DCLK3: variants seen among roughly 807,000 people sequenced by gnomAD.
DCLK3 encodes the protein serine/threonine-protein kinase DCLK3.
A neutral mutation model predicts 46.4 loss-of-function variants in DCLK3; 30 were observed. The observed-to-expected ratio is 0.65, with a 90% CI of 0.48 to 0.88. The LOEUF (loss-of-function observed/expected upper bound fraction) is 0.88, where lower values mean the gene tolerates loss of function less well. DCLK3 is among the 40% of genes least tolerant of loss of function. The probability of loss-of-function intolerance (pLI) is 0.00; values close to 1 mark genes in which losing one functional copy is unlikely to be tolerated. For synonymous variants in DCLK3, 401 were observed against 339.2 expected, an observed-to-expected ratio of 1.18 and a Z score of -2.00; for missense variants, 846 against 907.1, an observed-to-expected ratio of 0.93 and a Z score of 0.87.
At chr3:36,761,097 G>C (rs544064381) in intron 1 of DCLK3, among the ~76,000 whole-genome samples, 1 of 152,296 alleles carries the variant, frequency 6.6e-6, no homozygotes, top group East Asian at 1.9e-4. Flanking sequence ...CAGCTCTGGA[G>C]ACTTCCCTGT....
At chr3:36,728,712 C>A (rs923642900) in intron 2 of DCLK3, among the ~76,000 whole-genome samples, 5 of 152,220 alleles carry the variant, frequency 3.3e-5, no homozygotes, top group African/African-American at 1.2e-4. Context: ...TGGGACTCCT[C>A]AGTCTCCATA....
At position 36,764,199 on chromosome 3, in the gene DCLK3, G is replaced by A. The variant is rs1197804743; in HGVS notation, c.65C>T (p.Pro22Leu). 19 of 330,158 alleles carry A rather than the reference G, an allele frequency of 5.8e-5. No individual in the cohort carries two copies. In the South Asian group the frequency reaches 6.9e-4, roughly 12 times the overall value. The allele number at this position is 330,158 out of a possible 1,614,324, so 20.5% of individuals were successfully genotyped here. A position where few individuals can be genotyped will look rare whatever the true frequency, so the allele number is the denominator to read the frequency against. The change falls in exon 1 of 5, where the codon CCG (proline) becomes CTG (leucine). Residue 22 changes from proline to leucine, a missense_variant. This residue lies in a region of DCLK3 where 553 missense variants were observed against 543.0 expected (regional missense o/e 1.02). Coordinates refer to ENST00000636136, the MANE Select transcript of DCLK3 (RefSeq NM_001394672.2). This position sits in a 1 kb window ranked among gnomAD's most constrained non-coding sequence, Gnocchi z 4.9. ...PPPARPAPAC[P>L]ARPAPGQQGL... ...GTACTCACCCGGGGCAGGCCGCGCC[G>A]GGCAGGCTGGGGCTGGCCGGGCCGG... is the stretch of plus-strand genomic sequence containing the variant.
At chr3:36,718,368 T>G (rs1701012831) in intron 3 of DCLK3, among the ~76,000 whole-genome samples, 191 bp from the exon 4 acceptor site, 1 of 152,206 alleles carries the variant, frequency 6.6e-6, no homozygotes, top group Non-Finnish European at 1.5e-5. Context: ...ACACCATCAT[T>G]ACTCAAAGTG....
At chr3:36,754,473 G>A (rs1044597982) in intron 1 of DCLK3, among the ~76,000 whole-genome samples, 4 of 152,086 alleles carry the variant, frequency 2.6e-5, no homozygotes, top group Admixed American at 2.0e-4. Context: ...TACTGAAGAG[G>A]TGGCATCCTC....
chr3:36,760,539 A>G (rs924269620), intron 1 of DCLK3, among the ~76,000 whole-genome samples: 3 of 152,102 alleles, frequency 2.0e-5, no homozygotes, highest in African/African-American at 7.2e-5. Flanking sequence ...TAACGAGTTA[A>G]TGGGTGCAGC....
rs146494181 is a variant in DCLK3 at position 36,737,679 on chromosome 3, C to A, written c.1488G>T (p.Thr496=). 1.1e-5 allele frequency: 17 copies of A among 1,613,434 alleles called. No homozygotes were observed. Among genetic ancestry groups the A allele is most frequent in the Non-Finnish European group, 1.4e-5 (17 of 1,179,862 alleles). The change falls in exon 2 of 5, where the codon ACG becomes ACT. Residue 496 remains threonine, a synonymous_variant. Transcript: ENST00000636136. The surrounding 1 kb of genome is among the most constrained non-coding windows in gnomAD (Gnocchi z 4.4). The part of the protein sequence containing the change: ...QPAKLEKEPK[T]RPEENKPERP... ...GCTCTGGCTTGTTCTCTTCTGGCCT[C>A]GTCTTGGGCTCCTTTTCTAGCTTTG...
intron 4 of DCLK3, 113 bp downstream of exon 4, chr3:36,717,897 A>C (rs1430806617): frequency 7.3e-7 from 1 of 1,364,510 alleles, no homozygotes; most frequent in Non-Finnish European, 1.0e-6. Flanking sequence ...AAAGGCTGAG[A>C]CATGACATGT....
chr3:36,720,904 C>T (rs1484565091), intron 3 of DCLK3, among the ~76,000 whole-genome samples: 2 of 152,290 alleles, frequency 1.3e-5, no homozygotes, highest in Non-Finnish European at 1.5e-5. Context: ...TGAGAGTCTT[C>T]CCATCTTACC....
intron 1 of DCLK3, among the ~76,000 whole-genome samples, chr3:36,743,664 T>C (rs578130355): frequency 2.6e-4 from 39 of 152,304 alleles, no homozygotes; most frequent in African/African-American, 9.4e-4. Flanking sequence ...AATACAAATG[T>C]TTACAGGGTC....
In DCLK3 at chr3:36,738,572, G is replaced by T; in HGVS notation, c.595C>A (p.Gln199Lys). Residue 199 changes from glutamine to lysine, a missense_variant, in exon 2 of 5, where the codon CAG becomes AAG. Around this residue, in one of 3 missense-constraint regions of DCLK3, gnomAD observed 553 missense variants for 543.0 expected, o/e 1.02. Transcript: ENST00000636136. Reference sequence around the variant, plus strand: ...CTTGGAGAAGGGGCACGGCTGTGCTGGGCCAGTGTCAGGGCCCGGGCTTTG... The same window carrying T: ...CTTGGAGAAGGGGCACGGCTGTGCTTGGCCAGTGTCAGGGCCCGGGCTTTG... The part of the protein sequence containing the change: ...PNKARALTLA[Q>K]HSRAPSPRLR... 1 of 1,438,914 alleles carries T rather than the reference G, an allele frequency of 6.9e-7. No individual in the cohort carries two copies. The highest frequency in any genetic ancestry group is 1.5e-5 in the African/African-American group (1 of 68,278). 89.1% of individuals were successfully genotyped at this position (1,438,914 alleles called of 1,614,324 possible). A position where few individuals can be genotyped will look rare whatever the true frequency, so the allele number is the denominator to read the frequency against.
chr3:36,729,252 G>T (rs1006665960), intron 2 of DCLK3, among the ~76,000 whole-genome samples: 12 of 109,264 alleles, frequency 1.1e-4, no homozygotes, highest in African/African-American at 2.5e-4. Context: ...TGTGTGTGGG[G>T]GGGGGGGGTA....
rs768586504 is a variant in DCLK3 at position 36,715,389 on chromosome 3, G to T, written c.2393C>A (p.Ser798Tyr). The stretch of plus-strand genomic sequence containing the variant: ...CCGGAAGTGACCCTCGCTGCTGGGG[G>T]ACACCTGCTTCTGTCGTTTCACTGT... The part of the protein sequence containing the change: ...TNTVKRQKQV[S>Y]PSSEGHFRSQ... Residue 798 changes from serine (S) to tyrosine (Y), a missense_variant, in exon 5 of 5, where the codon TCC becomes TAC. Transcript: ENST00000636136. 3 of 1,614,128 alleles carry T rather than the reference G, an allele frequency of 1.9e-6. No homozygotes were observed. Among genetic ancestry groups the T allele is most frequent in the South Asian group, 1.1e-5 (1 of 91,074 alleles).
At chr3:36,744,278 T>C (rs1447173520) in intron 1 of DCLK3, among the ~76,000 whole-genome samples, 4 of 152,228 alleles carry the variant, frequency 2.6e-5, no homozygotes, top group Non-Finnish European at 5.9e-5. Flanking sequence ...GCATTGCTAA[T>C]TGCAGCTCCA....
chr3:36,722,406 G>A (rs1003896415), intron 2 of DCLK3, among the ~76,000 whole-genome samples: 1 of 152,188 alleles, frequency 6.6e-6, no homozygotes, highest in South Asian at 2.1e-4. Context: ...AAGGATAAAT[G>A]CTTGAGGGGA....
At chr3:36,721,394 C>G in intron 3 of DCLK3, 133 bp downstream of exon 3, 3 of 1,245,944 alleles carry the variant, frequency 2.4e-6, no homozygotes, top group Non-Finnish European at 3.4e-6. Context: ...CAAATATTTT[C>G]ATTGAAGTCC....
Position 36,738,446 on chromosome 3 carries a change from C to A in DCLK3, c.721G>T (p.Ala241Ser). Residue 241 changes from alanine (A) to serine (S), a missense_variant, in exon 2 of 5, where the codon GCC becomes TCC. Coordinates refer to ENST00000636136, the MANE Select transcript of DCLK3 (RefSeq NM_001394672.2). Reference sequence around the variant, plus strand: ...GGGATCTTCCCCTGGTGCCTCATGGCTGCCTTGCATCCTGCAACTTCGCTG... The same window carrying A: ...GGGATCTTCCCCTGGTGCCTCATGGATGCCTTGCATCCTGCAACTTCGCTG... Reference protein sequence around the residue: ...SCSEVAGCKAAMRHQGKIPEE... With the variant: ...SCSEVAGCKASMRHQGKIPEE... 2 of 1,478,316 alleles carry A rather than the reference C, an allele frequency of 1.4e-6. No individual in the cohort carries two copies. Among genetic ancestry groups the A allele is most frequent in the South Asian group, 1.5e-5 (1 of 67,880 alleles). 91.6% of individuals were successfully genotyped at this position (1,478,316 alleles called of 1,614,324 possible).
chr3:36,724,582 C>T (rs1451984634), intron 2 of DCLK3, among the ~76,000 whole-genome samples: 4 of 151,972 alleles, frequency 2.6e-5, no homozygotes, highest in South Asian at 2.1e-4. Flanking sequence ...CTCATGATAG[C>T]GAATCAGTCT....
rs1367403165 is a variant in DCLK3, at chr3:36,738,308, G to T, written c.859C>A (p.His287Asn). ...CCAAGATGCTTCTCTCCCCTTGCGT[G>T]CCTCTCTTCCAGAGTGGCTTCCCTG... ...PPREATLEER[H>N]ARGEKHLGVE... Residue 287 changes from histidine (H) to asparagine (N), a missense_variant, in exon 2 of 5, where the codon CAC becomes AAC. Coordinates refer to ENST00000636136, the MANE Select transcript of DCLK3 (RefSeq NM_001394672.2). 4 of 1,514,396 alleles carry T rather than the reference G, an allele frequency of 2.6e-6. No individual in the cohort carries two copies. The highest frequency in any genetic ancestry group is 3.5e-6 in the Non-Finnish European group (4 of 1,134,032). The allele number at this position is 1,514,396 out of a possible 1,614,324, so 93.8% of individuals were successfully genotyped here.
chr3:36,735,504 C>A (rs1701250113), intron 2 of DCLK3, among the ~76,000 whole-genome samples: 1 of 152,206 alleles, frequency 6.6e-6, no homozygotes, highest in South Asian at 2.1e-4. Flanking sequence ...ATTAGCTTGA[C>A]TCACTCAGTG....
Sources: allele counts gnomAD v4.1 joint callset (sites outside exome capture counted in the v4.1 genomes callset), GRCh38; gene constraint gnomAD v4.1.1; regional missense constraint gnomAD v4.1.1; non-coding constraint Gnocchi (gnomAD v3.1); transcripts MANE v1.5; gene names NCBI Gene and HGNC (gene_info 2026-07-23, HGNC 2026-07-21).